LIPC: variants seen among roughly 807,000 people sequenced by gnomAD.
LIPC encodes lipase C, hepatic type.
Under a neutral mutation model 50.7 loss-of-function variants are expected in LIPC, and 44 were observed. The ratio of observed to expected loss-of-function variants is 0.87; its 90% confidence interval spans 0.68 to 1.11. The LOEUF (loss-of-function observed/expected upper bound fraction) is 1.11. Ranked by LOEUF, LIPC falls within the 50% of genes most tolerant of loss-of-function variation. LIPC has a pLI of 0.00. For missense variants in LIPC, 697 were observed against 648.2 expected (o/e 1.08, Z -0.82); for synonymous variants, 271 against 256.4 (o/e 1.06, Z -0.54).
intron 1 of LIPC, among the ~76,000 whole-genome samples, chr15:58,518,838 A>C (rs981442984): frequency 2.0e-5 from 3 of 152,140 alleles, no homozygotes; most frequent in Non-Finnish European, 4.4e-5. Context: ...GTTTCAGAGA[A>C]TAGAAATGTT....
intron 1 of LIPC, chr15:58,436,413 T>C (rs1893297834): frequency 4.0e-6 from 1 of 248,424 alleles, no homozygotes; most frequent in Non-Finnish European, 8.0e-6. Context: ...TAACATCTTG[T>C]TTGATAGGTA....
intron 6 of LIPC, among the ~76,000 whole-genome samples, chr15:58,551,810 A>G (rs1893771216): frequency 3.3e-5 from 5 of 152,240 alleles, no homozygotes; most frequent in Non-Finnish European, 7.3e-5. Flanking sequence ...CAAGATAAAC[A>G]TCGCCTCCTG....
intron 1 of LIPC, among the ~76,000 whole-genome samples, chr15:58,520,149 G>T (rs1892613514): frequency 1.4e-5 from 2 of 141,328 alleles, no homozygotes; most frequent in African/African-American, 2.7e-5. Flanking sequence ...GTTAATTGAA[G>T]TGATTGGTCT....
At position 58,542,676 on chromosome 15, in the gene LIPC, A is replaced by G. The variant is rs543350478; in HGVS notation, c.574+25A>G. 1.4e-5 allele frequency: 20 copies of G among 1,442,864 alleles called. No homozygotes were observed. In the South Asian group the frequency reaches 1.6e-4, roughly 12 times the overall value. 89.4% of individuals were successfully genotyped at this position (1,442,864 alleles called of 1,614,324 possible). ...GGTAACCATGCCTAATAACTCACACACTGATCTCCACTCCATAGGGGCATC... is the reference window on the plus strand; with the variant it reads ...GGTAACCATGCCTAATAACTCACACGCTGATCTCCACTCCATAGGGGCATC... On this transcript the variant is annotated intron_variant, in intron 4 of 8. Coordinates refer to ENST00000299022, the MANE Select transcript of LIPC (RefSeq NM_000236.3).
chr15:58,449,151 A>G (rs1035045683), intron 1 of LIPC, among the ~76,000 whole-genome samples: 1 of 152,172 alleles, frequency 6.6e-6, no homozygotes, highest in African/African-American at 2.4e-5. Context: ...TCCTTCCTAG[A>G]TGGCTACTCA....
At chr15:58,548,246 G>C in intron 5 of LIPC, 84 bp from the exon 6 acceptor site, 2 of 1,597,246 alleles carry the variant, frequency 1.3e-6, no homozygotes, top group Non-Finnish European at 8.6e-7. Flanking sequence ...CTAACCTCCT[G>C]TGGGATGAGA....
chr15:58,562,991 G>A (rs558479757), intron 7 of LIPC, among the ~76,000 whole-genome samples: 15 of 152,322 alleles, frequency 9.8e-5, no homozygotes, highest in African/African-American at 1.9e-4. Flanking sequence ...CTCAGAGTCT[G>A]CATTTAAATC....
At chr15:58,492,813 A>C (rs954675551) in intron 1 of LIPC, among the ~76,000 whole-genome samples, 1 of 152,248 alleles carries the variant, frequency 6.6e-6, no homozygotes, top group Non-Finnish European at 1.5e-5. Flanking sequence ...ATGGAAATCC[A>C]TAAACAGGTG....
intron 1 of LIPC, among the ~76,000 whole-genome samples, chr15:58,440,665 C>G (rs1893474131): frequency 1.3e-5 from 2 of 152,166 alleles, no homozygotes; most frequent in Non-Finnish European, 2.9e-5. Context: ...AATTTCAACA[C>G]AATGCAATTA....
chr15:58,556,019 T>C (rs1893935608), intron 6 of LIPC, among the ~76,000 whole-genome samples: 1 of 152,010 alleles, frequency 6.6e-6, no homozygotes, highest in Admixed American at 6.5e-5. Context: ...AGCTGAGCAG[T>C]GGAGGGCAGA....
chr15:58,499,120 C>T (rs1891882118), intron 1 of LIPC, among the ~76,000 whole-genome samples: 1 of 152,172 alleles, frequency 6.6e-6, no homozygotes, highest in Non-Finnish European at 1.5e-5. Flanking sequence ...CAGTGACAGG[C>T]TGGGGCAGGG....
At chr15:58,461,975 G>A (rs1894368157) in intron 1 of LIPC, among the ~76,000 whole-genome samples, 2 of 147,732 alleles carry the variant, frequency 1.4e-5, no homozygotes, top group South Asian at 4.3e-4. Flanking sequence ...GCTCATGGAA[G>A]TCCTGGAATG....
intron 8 of LIPC, chr15:58,566,517 G>A: frequency 1.1e-6 from 1 of 915,034 alleles, no homozygotes; most frequent in Non-Finnish European, 1.3e-6. Flanking sequence ...CAAAATCCCA[G>A]AATCGGGATG....
At chr15:58,482,957 G>C (rs764183344) in intron 1 of LIPC, among the ~76,000 whole-genome samples, 5 of 152,140 alleles carry the variant, frequency 3.3e-5, no homozygotes, top group Non-Finnish European at 7.4e-5. Flanking sequence ...CCAGAACCTG[G>C]CCAGCCTTAT....
chr15:58,500,219 G>T (rs1198370930), intron 1 of LIPC, among the ~76,000 whole-genome samples: 1 of 152,158 alleles, frequency 6.6e-6, no homozygotes, highest in Non-Finnish European at 1.5e-5. Flanking sequence ...AGAAGCAGTA[G>T]TGTTACAGTG....
At chr15:58,521,161 C>T (rs1259776193) in intron 1 of LIPC, 2 of 152,164 alleles carry the variant, frequency 1.3e-5, no homozygotes, top group African/African-American at 4.8e-5. Context: ...AGAGCAGGCC[C>T]CTGCCTCTGT....
intron 1 of LIPC, among the ~76,000 whole-genome samples, chr15:58,439,383 G>A (rs1320179221): frequency 6.6e-6 from 1 of 152,186 alleles, no homozygotes; most frequent in African/African-American, 2.4e-5. Context: ...AAAGGAGTTT[G>A]ACTAGATCAG....
chr15:58,557,486 A>G (rs35892254), intron 6 of LIPC, among the ~76,000 whole-genome samples: 54,588 of 141,370 alleles, frequency 0.39, 12,061 homozygotes, highest in Non-Finnish European at 0.5. Context: ...CTGGGTTCAC[A>G]CCATTCTCCT....
At chr15:58,496,234 CA>C (rs1360094133) in intron 1 of LIPC, among the ~76,000 whole-genome samples, 8 of 152,114 alleles carry the variant, frequency 5.3e-5, no homozygotes, top group Non-Finnish European at 1.2e-4. Context: ...AGTGAGAAGC[CA>C]GGGGTGCTGT....
Sources: gnomAD v4.1 joint callset for allele counts (sites outside exome capture counted in the v4.1 genomes callset) on GRCh38, gnomAD v4.1.1 for gene constraint, MANE v1.5 for transcripts, NCBI Gene and HGNC (gene_info 2026-07-23, HGNC 2026-07-21) for gene names.